The following CDHR2 variants were observed in gnomAD, a reference collection of about 807,000 sequenced individuals.
The protein encoded by CDHR2 is cadherin-related family member 2.
CDHR2 carries 104 observed loss-of-function variants against 138.6 expected under a neutral mutation model. The observed-to-expected ratio is 0.75, with a 90% CI of 0.64 to 0.88. The LOEUF (loss-of-function observed/expected upper bound fraction) is 0.88, where lower values mean the gene tolerates loss of function less well. Ranked by LOEUF, CDHR2 falls within the 40% of genes least tolerant of loss-of-function variation. The probability of loss-of-function intolerance (pLI) is 0.00; values close to 1 mark genes in which losing one functional copy is unlikely to be tolerated. For synonymous variants in CDHR2, 755 were observed against 742.8 expected, an observed-to-expected ratio of 1.02 and a Z score of -0.27; for missense variants, 1,624 against 1,727.6, an observed-to-expected ratio of 0.94 and a Z score of 1.06.
intron 1 of CDHR2, among the ~76,000 whole-genome samples, chr5:176,552,470 C>T (rs1183382499): frequency 6.6e-6 from 1 of 152,218 alleles, no homozygotes; most frequent in Non-Finnish European, 1.5e-5. Context: ...GACCCAGGAC[C>T]TCCAAGGACC....
Position 176,575,601 on chromosome 5 carries a change from AGGCCAGGGCTGGGCCGG to A in CDHR2, c.844+29_844+45del, listed in dbSNP as rs1758356344. On this transcript the variant is annotated intron_variant, in intron 10 of 31. Transcript: ENST00000261944. ...TCTCCTGTGAGAACGGGGTGTCCCC[AGGCCAGGGCTGGGCCGG>A]GGCCAGGGTGGGGTCTCCGTCAGAG... is the stretch of plus-strand genomic sequence containing the variant. The A allele has an allele frequency of 6.2e-7, 1 of 1,612,222 alleles. No individual in the cohort carries two copies. Among genetic ancestry groups the A allele is most frequent in the Admixed American group, 1.7e-5 (1 of 60,008 alleles).
At chr5:176,570,171 G>A (rs538142924) in intron 5 of CDHR2, among the ~76,000 whole-genome samples, 1 of 152,256 alleles carries the variant, frequency 6.6e-6, no homozygotes, top group East Asian at 1.9e-4. Context: ...CAGCGATTGA[G>A]CTTAGAGCTC....
rs1219381437 is a variant in CDHR2, at chr5:176,553,648, G to C, written c.-16+4234G>C. ...GGCTGGACGCATCCAGCCCCTGGCT[G>C]TTCCTTACACAATGGACACCTGCAG... is the stretch of plus-strand genomic sequence containing the variant. On this transcript the variant is annotated intron_variant, in intron 1 of 31. Transcript: ENST00000261944. The surrounding 1 kb of genome is among the most constrained non-coding windows in gnomAD (Gnocchi z 4.3). Among the ~76,000 whole-genome samples, 2 of 152,118 alleles carry C rather than the reference G, an allele frequency of 1.3e-5. No homozygotes were observed. The highest frequency in any genetic ancestry group is 2.9e-5 in the Non-Finnish European group (2 of 68,002).
chr5:176,548,564 A>C (rs537109693), upstream of CDHR2, among the ~76,000 whole-genome samples: 5 of 152,174 alleles, frequency 3.3e-5, no homozygotes, highest in South Asian at 1.0e-3. Flanking sequence ...ACATGGTGAA[A>C]CCCTGTTTCT....
At position 176,595,577 on chromosome 5, in the gene CDHR2, C is replaced by T; in HGVS notation, c.3838C>T (p.Leu1280=). 1.2e-6 allele frequency: 2 copies of T among 1,612,772 alleles called. No homozygotes were observed. Among genetic ancestry groups the T allele is most frequent in the Admixed American group, 1.7e-5 (1 of 59,918 alleles). The change falls in exon 32 of 32, where the codon CTG becomes TTG. Residue 1280 remains leucine (L), a synonymous_variant. Coordinates refer to ENST00000261944, the MANE Select transcript of CDHR2 (RefSeq NM_017675.6). ...ACCACCAGAGCCAGATCCAGAGCCCCTGAGCGTGGTCCTGTTAGGACGGCA... is the reference window on the plus strand; with the variant it reads ...ACCACCAGAGCCAGATCCAGAGCCCTTGAGCGTGGTCCTGTTAGGACGGCA... ...HTPPEPDPEP[L]SVVLLGRQAG...
chr5:176,589,469 C>T (rs759226214), intron 23 of CDHR2, 31 bp downstream of exon 23: 22 of 1,609,906 alleles, frequency 1.4e-5, no homozygotes, highest in Middle Eastern at 1.6e-4. Context: ...CAGCCCCCAA[C>T]GCCCTCTGCC....
Position 176,577,411 on chromosome 5 carries a change from A to G in CDHR2, c.1207A>G (p.Thr403Ala), listed in dbSNP as rs1213119058. The change falls in exon 13 of 32, where the codon ACC (threonine) becomes GCC (alanine). Residue 403 changes from threonine to alanine, a missense_variant. Transcript: ENST00000261944. ...CCCACCTTTACAGGGCAGCAATGGCACCTTCCTGTTGTCGCTGGGGGGCCC... is the reference window on the plus strand; with the variant it reads ...CCCACCTTTACAGGGCAGCAATGGCGCCTTCCTGTTGTCGCTGGGGGGCCC... Reference protein sequence around the residue: ...VYDPDKGSNGTFLLSLGGPDA... With the variant: ...VYDPDKGSNGAFLLSLGGPDA... 4 of 1,608,700 alleles carry G rather than the reference A, an allele frequency of 2.5e-6. No individual in the cohort carries two copies. The highest frequency in any genetic ancestry group is 1.3e-5 in the African/African-American group (1 of 75,020).
chr5:176,578,784 T>C (rs749375673), intron 16 of CDHR2, among the ~76,000 whole-genome samples, 176 bp downstream of exon 16: 39 of 152,144 alleles, frequency 2.6e-4, no homozygotes, highest in Non-Finnish European at 4.7e-4. Flanking sequence ...CTCAGGGTCA[T>C]TGGGGAATAA....
rs539729372 is a variant in CDHR2 at position 176,575,400 on chromosome 5, G to A, written c.742G>A (p.Ala248Thr). The A allele has an allele frequency of 3.1e-6, 5 of 1,614,242 alleles. 1 individual carries two copies. The Admixed American group carries it at 6.7e-5, about 22-fold the overall frequency. The change falls in exon 9 of 32, where the codon GCC (alanine) becomes ACC (threonine). Residue 248 changes from alanine (A) to threonine (T), a missense_variant. Ala to Thr is a moderately conservative substitution (Grantham distance 58). Coordinates refer to ENST00000261944, the MANE Select transcript of CDHR2 (RefSeq NM_017675.6). Reference protein sequence around the residue: ...DPQFVREFYSASVAEDAAKGT... With the variant: ...DPQFVREFYSTSVAEDAAKGT... ...CCAGTTTGTCAGGGAGTTTTACTCG[G>A]CCTCTGTGGCTGAGGATGCAGCCAA...
At position 176,589,151 on chromosome 5, in the gene CDHR2, TCCGAGG is replaced by T. The variant is rs751081695; in HGVS notation, c.2982_2987del (p.Glu994_Ala995del). On this transcript the variant is annotated inframe_deletion, in exon 22 of 32. Transcript: ENST00000261944. ...GGGTGTCTTCTCGATCTTCACCTCC[TCCGAGG>T]CCGACGTGTTCGCTGGGAGCATTCA... The T allele has an allele frequency of 6.2e-6, 10 of 1,613,988 alleles. No individual in the cohort carries two copies. The highest frequency in any genetic ancestry group is 8.5e-6 in the Non-Finnish European group (10 of 1,180,012).
intron 7 of CDHR2, 59 bp downstream of exon 7, chr5:176,574,231 GAC>G: frequency 7.7e-7 from 1 of 1,296,504 alleles, no homozygotes; most frequent in South Asian, 1.2e-5. Flanking sequence ...CATCTCCACA[GAC>G]AACCCACAGG....
chr5:176,570,854 G>C (rs1027217391), intron 5 of CDHR2, among the ~76,000 whole-genome samples: 8 of 151,762 alleles, frequency 5.3e-5, no homozygotes, highest in Non-Finnish European at 8.8e-5. Context: ...AGGAGGCTGA[G>C]GCAGGAGAAT....
In CDHR2 at chr5:176,569,030, G is replaced by C; in HGVS notation, c.315+20G>C. On this transcript the variant is annotated intron_variant, in intron 5 of 31. Transcript: ENST00000261944. ...ATCCAGGTGAGTTGGGAGGTGCAGG[G>C]GGGTAGACAGGGATTGCGAGAGTCC... The C allele has an allele frequency of 1.2e-6, 2 of 1,613,488 alleles. No individual in the cohort carries two copies. Among genetic ancestry groups the C allele is most frequent in the South Asian group, 1.1e-5 (1 of 91,038 alleles).
chr5:176,555,078 A>G (rs1466689635), intron 1 of CDHR2, among the ~76,000 whole-genome samples: 1 of 152,204 alleles, frequency 6.6e-6, no homozygotes, highest in Non-Finnish European at 1.5e-5. Flanking sequence ...CATCCCACCC[A>G]GGGCTTGTCC....
intron 3 of CDHR2, among the ~76,000 whole-genome samples, chr5:176,566,557 G>A (rs965006031): frequency 4.6e-5 from 7 of 152,374 alleles, no homozygotes; most frequent in Admixed American, 3.9e-4. Context: ...GGACGGAGCT[G>A]TGGGGGCATG....
In CDHR2 at chr5:176,590,349, G is replaced by T; in HGVS notation, c.3353+19G>T. On this transcript the variant is annotated intron_variant, in intron 26 of 31. Coordinates refer to ENST00000261944, the MANE Select transcript of CDHR2 (RefSeq NM_017675.6). Reference sequence around the variant, plus strand: ...TGAGTGTGTGAGTGGGGCTGCCCTTGGGGCAGGTGTGAGGGTGAGCAGGAA... The same window carrying T: ...TGAGTGTGTGAGTGGGGCTGCCCTTTGGGCAGGTGTGAGGGTGAGCAGGAA... 5.0e-6 allele frequency: 8 copies of T among 1,614,178 alleles called. No individual in the cohort carries two copies. The highest frequency in any genetic ancestry group is 6.8e-6 in the Non-Finnish European group (8 of 1,180,008).
chr5:176,585,916 T>G, intron 19 of CDHR2, 38 bp from the exon 20 acceptor site: 1 of 1,550,718 alleles, frequency 6.4e-7, no homozygotes, highest in Non-Finnish European at 8.9e-7. Context: ...GGGTCAAGCT[T>G]TTGCCCAGAG....
At chr5:176,548,576 C>T (rs1487570100), upstream of CDHR2, among the ~76,000 whole-genome samples, 1 of 152,020 alleles carries the variant, frequency 6.6e-6, no homozygotes, top group Non-Finnish European at 1.5e-5. Flanking sequence ...CCTGTTTCTA[C>T]TAAAAATACA....
At chr5:176,551,537 C>G (rs1051626660) in intron 1 of CDHR2, among the ~76,000 whole-genome samples, 13 of 152,162 alleles carry the variant, frequency 8.5e-5, no homozygotes, top group Non-Finnish European at 1.5e-5. Flanking sequence ...GTCGCCCAGG[C>G]TGGCGTGCAG....
Sources: gnomAD v4.1 joint callset for allele counts (sites outside exome capture counted in the v4.1 genomes callset) on GRCh38, gnomAD v4.1.1 for gene constraint, Gnocchi (gnomAD v3.1) non-coding constraint, MANE v1.5 for transcripts, NCBI Gene and HGNC (gene_info 2026-07-23, HGNC 2026-07-21) for gene names.